HSPA14: variants seen among roughly 807,000 people sequenced by gnomAD.
The protein encoded by HSPA14 is heat shock protein family A (Hsp70) member 14.
HSPA14 carries 37 observed loss-of-function variants against 65.5 expected under a neutral mutation model. The ratio of observed to expected loss-of-function variants is 0.56; its 90% CI spans 0.43 to 0.74. The LOEUF (loss-of-function observed/expected upper bound fraction) is 0.74, where lower values mean the gene tolerates loss of function less well. Ranked by LOEUF, HSPA14 falls within the 30% of genes least tolerant of loss-of-function variation. The pLI, the probability that HSPA14 is intolerant of heterozygous loss-of-function variation, is 0.00. For missense variants in HSPA14, 564 were observed against 607.6 expected (o/e 0.93, Z 0.75); for synonymous variants, 203 against 214.2 (o/e 0.95, Z 0.46).
At chr10:14,848,556 A>G (rs893717664) in intron 3 of HSPA14, 53 bp from the exon 4 acceptor site, 10 of 1,319,856 alleles carry the variant, frequency 7.6e-6, no homozygotes, top group South Asian at 1.2e-5. Context: ...AACTTTATAT[A>G]TCTACAATAC....
intron 6 of HSPA14, chr10:14,850,919 G>A (rs942649075): frequency 5.0e-6 from 1 of 201,074 alleles, no homozygotes; most frequent in African/African-American, 2.3e-5. Context: ...CTCATCTTTT[G>A]AACTTTTTTT....
At position 14,842,327 on chromosome 10, in the gene HSPA14, C is replaced by G. The variant is rs575643973; in HGVS notation, c.221+2170C>G. 1 of 1,536,090 alleles carries G rather than the reference C, an allele frequency of 6.5e-7. No homozygotes were observed. The highest frequency in any genetic ancestry group is 8.7e-7 in the Non-Finnish European group (1 of 1,146,882). On this transcript the variant is annotated intron_variant, in intron 3 of 13. Coordinates refer to ENST00000378372, the MANE Select transcript of HSPA14 (RefSeq NM_016299.4). This position sits in a 1 kb window ranked among gnomAD's most constrained non-coding sequence, Gnocchi z 5.2. ...CAGTGCGGGCATCCGGTGGTCCAGA[C>G]AGGAGACACGAACTCTTCTCTCCAT...
chr10:14,868,591 A>AGT (rs1832827209), intron 12 of HSPA14, among the ~76,000 whole-genome samples: 1 of 152,100 alleles, frequency 6.6e-6, no homozygotes, highest in Non-Finnish European at 1.5e-5. Flanking sequence ...TGGGAGCATG[A>AGT]GTGTGTGTGA....
At chr10:14,865,215 G>A (rs1832794750) in intron 10 of HSPA14, among the ~76,000 whole-genome samples, 1 of 152,170 alleles carries the variant, frequency 6.6e-6, no homozygotes, top group South Asian at 2.1e-4. Flanking sequence ...GTAGATTGTG[G>A]ATATTAGCCC....
chr10:14,841,829 T>C (rs1445943404), intron 3 of HSPA14, among the ~76,000 whole-genome samples: 1 of 152,248 alleles, frequency 6.6e-6, no homozygotes, highest in Non-Finnish European at 1.5e-5. Context: ...CTTGGACTCC[T>C]TTAGCGTTAG....
chr10:14,871,583 A>C lies in HSPA14; in HGVS notation c.1507A>C (p.Ile503Leu). 6.3e-7 allele frequency: 1 copy of C among 1,587,212 alleles called. No homozygotes were observed. The highest frequency in any genetic ancestry group is 8.6e-7 in the Non-Finnish European group (1 of 1,160,576). ...TDQETGKCEA[I>L]SIEIAS ...TCAAGAAACTGGAAAATGTGAAGCA[A>C]TCTCTATTGAGATAGCATCTTAGTG... The change falls in exon 14 of 14, where the codon ATC becomes CTC. Residue 503 changes from isoleucine to leucine, a missense_variant. Coordinates refer to ENST00000378372, the MANE Select transcript of HSPA14 (RefSeq NM_016299.4).
intron 2 of HSPA14, 31 bp from the exon 3 acceptor site, chr10:14,840,040 TAATA>T: frequency 5.4e-6 from 7 of 1,304,730 alleles, no homozygotes; most frequent in Admixed American, 2.2e-5. Flanking sequence ...ACATACATTG[TAATA>T]TATATATATA....
chr10:14,863,479 A>T (rs984109132), intron 10 of HSPA14, among the ~76,000 whole-genome samples: 2 of 152,188 alleles, frequency 1.3e-5, no homozygotes, highest in African/African-American at 4.8e-5. Context: ...TCAGAGGCAT[A>T]TGATTATCAG....
chr10:14,851,389 T>A (rs1834107872), intron 7 of HSPA14, 66 bp downstream of exon 7: 1 of 895,926 alleles, frequency 1.1e-6, no homozygotes, highest in African/African-American at 1.7e-5. Context: ...ATAGAGATTA[T>A]ATCAGTAAAG....
In HSPA14 at chr10:14,845,310, A is replaced by G. The variant is rs1834035202; in HGVS notation, c.222-3299A>G. 3.0e-6 allele frequency: 3 copies of G among 985,348 alleles called. No homozygotes were observed. In the Admixed American group the frequency reaches 1.8e-4, roughly 61 times the overall value. The allele number at this position is 985,348 out of a possible 1,614,324, so 61.0% of individuals were successfully genotyped here. On this transcript the variant is annotated intron_variant, in intron 3 of 13. Transcript: ENST00000378372. ...TTCCAATAATCTAGAAGTTGGAAAAATAACAAAGAGTGGGCATGTTGGGGG... is the reference window on the plus strand; with the variant it reads ...TTCCAATAATCTAGAAGTTGGAAAAGTAACAAAGAGTGGGCATGTTGGGGG...
At chr10:14,871,486 A>G in intron 13 of HSPA14, 42 bp from the exon 14 acceptor site, 1 of 1,146,546 alleles carries the variant, frequency 8.7e-7, no homozygotes, top group Non-Finnish European at 1.3e-6. Context: ...TGTTTTTATA[A>G]AATGAGCTTG....
Position 14,871,590 on chromosome 10 carries a change from T to TTG in HSPA14, c.1515_1516dup (p.Glu506ValfsTer3). The TTG allele has an allele frequency of 6.4e-7, 1 of 1,572,920 alleles. No individual in the cohort carries two copies. The highest frequency in any genetic ancestry group is 8.7e-7 in the Non-Finnish European group (1 of 1,149,072). On this transcript the variant is annotated frameshift_variant, in exon 14 of 14. Transcript: ENST00000378372. LOFTEE classifies it high-confidence loss of function. ...ACTGGAAAATGTGAAGCAATCTCTA[T>TTG]TGAGATAGCATCTTAGTGTTTTAGA...
intron 3 of HSPA14, among the ~76,000 whole-genome samples, chr10:14,847,334 T>C (rs1015649734): frequency 6.6e-6 from 1 of 152,220 alleles, no homozygotes; most frequent in Non-Finnish European, 1.5e-5. Flanking sequence ...AATTCTAATA[T>C]TGGTGCAAAA....
chr10:14,838,386 G>T lies in HSPA14; in HGVS notation c.-17G>T. On this transcript the variant is annotated 5_prime_UTR_variant, in exon 1 of 14. Transcript: ENST00000378372. Reference sequence around the variant, plus strand: ...GGGGGACCCCCTCATTCCTGCCGCTGCCGTCCCTGCTGCCTCATGGCGGCC... The same window carrying T: ...GGGGGACCCCCTCATTCCTGCCGCTTCCGTCCCTGCTGCCTCATGGCGGCC... 6.3e-7 allele frequency: 1 copy of T among 1,597,224 alleles called. No individual in the cohort carries two copies.
intron 10 of HSPA14, among the ~76,000 whole-genome samples, chr10:14,866,020 A>T (rs1832803701): frequency 6.6e-6 from 1 of 152,154 alleles, no homozygotes; most frequent in Non-Finnish European, 1.5e-5. Context: ...CTCCTTGAAG[A>T]GGTCCTTCAC....
intron 3 of HSPA14, chr10:14,843,379 C>T: frequency 6.4e-7 from 1 of 1,550,836 alleles, no homozygotes; most frequent in South Asian, 1.2e-5. Context: ...AGGGTGCTCT[C>T]AAGGGACCCC....
rs1261577294 is a variant in HSPA14, at chr10:14,848,814, C to G, written c.295C>G (p.Arg99Gly). 1.3e-6 allele frequency: 2 copies of G among 1,572,770 alleles called. No homozygotes were observed. Among genetic ancestry groups the G allele is most frequent in the Non-Finnish European group, 1.7e-6 (2 of 1,151,684 alleles). ...GGTCATTGAAAAAAATGGGAAATTA[C>G]GATATGAAATAGATACTGGAGAAGA... ...CLVIEKNGKL[R>G]YEIDTGEETK... The change falls in exon 5 of 14, where the codon CGA becomes GGA. Residue 99 changes from arginine (R) to glycine (G), a missense_variant. Physicochemically the swap from Arg to Gly is moderately radical, Grantham distance 125 (BLOSUM62 -2). Coordinates refer to ENST00000378372, the MANE Select transcript of HSPA14 (RefSeq NM_016299.4).
chr10:14,854,874 C>T (rs1258378172), intron 9 of HSPA14, among the ~76,000 whole-genome samples: 3 of 152,192 alleles, frequency 2.0e-5, no homozygotes, highest in Non-Finnish European at 2.9e-5. Flanking sequence ...TGCAGTTCCT[C>T]AGTAGCACTA....
At position 14,854,154 on chromosome 10, in the gene HSPA14, C is replaced by CGCGAGCCATG; in HGVS notation, c.765_774dup (p.Met259AlafsTer11). ...TTCAAACATGATGTGAGAGGAAATGCGCGAGCCATGATGAAATTAACGAAC... is the reference window on the plus strand; with the variant it reads ...TTCAAACATGATGTGAGAGGAAATGCGCGAGCCATGGCGAGCCATGATGAAATTAACGAAC... On this transcript the variant is annotated frameshift_variant, in exon 9 of 14. Coordinates refer to ENST00000378372, the MANE Select transcript of HSPA14 (RefSeq NM_016299.4). LOFTEE classifies it high-confidence loss of function. The CGCGAGCCATG allele has an allele frequency of 6.2e-7, 1 of 1,607,880 alleles. No homozygotes were observed. Among genetic ancestry groups the CGCGAGCCATG allele is most frequent in the Non-Finnish European group, 8.5e-7 (1 of 1,178,348 alleles).
Sources: allele counts gnomAD v4.1 joint callset (sites outside exome capture counted in the v4.1 genomes callset), GRCh38; gene constraint gnomAD v4.1.1; non-coding constraint Gnocchi (gnomAD v3.1); transcripts MANE v1.5; gene names NCBI Gene and HGNC (gene_info 2026-07-23, HGNC 2026-07-21).